SLC35F1: variants seen among roughly 807,000 people sequenced by gnomAD.
SLC35F1 encodes solute carrier family 35 member F1.
SLC35F1 carries 14 observed loss-of-function variants against 48.7 expected under a neutral mutation model. The ratio of observed to expected loss-of-function variants is 0.29; its 90% CI spans 0.19 to 0.45. The LOEUF (loss-of-function observed/expected upper bound fraction) is 0.45. SLC35F1 is among the 20% of genes least tolerant of loss of function. The pLI, the probability that SLC35F1 is intolerant of heterozygous loss-of-function variation, is 1.00. For synonymous variants in SLC35F1, 190 were observed against 202.2 expected, an observed-to-expected ratio of 0.94 and a Z score of 0.51; for missense variants, 404 against 500.0, an observed-to-expected ratio of 0.81 and a Z score of 1.83.
intron 3 of SLC35F1, among the ~76,000 whole-genome samples, chr6:118,241,817 T>G (rs1775444956): frequency 6.6e-6 from 1 of 152,312 alleles, no homozygotes; most frequent in African/African-American, 2.4e-5. Flanking sequence ...AAAATTGAAT[T>G]TTACAGTATT....
At chr6:118,129,051 AG>A (rs576703351) in intron 1 of SLC35F1, among the ~76,000 whole-genome samples, 69 of 152,278 alleles carry the variant, frequency 4.5e-4, no homozygotes, top group African/African-American at 1.4e-3. Flanking sequence ...CCTATGTGAG[AG>A]GCAAGGTGCT....
chr6:118,235,701 T>A, intron 3 of SLC35F1, 65 bp downstream of exon 3: 1 of 1,541,686 alleles, frequency 6.5e-7, no homozygotes, highest in Non-Finnish European at 8.8e-7. Context: ...TTCAGTTTAG[T>A]CCTTGAAAAT....
chr6:118,263,048 TTGTTTTGTTC>T (rs1182278574), intron 3 of SLC35F1, among the ~76,000 whole-genome samples: 3 of 152,158 alleles, frequency 2.0e-5, no homozygotes, highest in Non-Finnish European at 4.4e-5. Flanking sequence ...ATCTTTTTGT[TTGTTTTGTTC>T]TGTTTTGTTT....
intron 1 of SLC35F1, among the ~76,000 whole-genome samples, chr6:118,126,271 G>T (rs977328394): frequency 1.3e-5 from 2 of 152,146 alleles, no homozygotes; most frequent in African/African-American, 4.8e-5. Context: ...GAAATAACCT[G>T]CCATAGATCA....
intron 2 of SLC35F1, among the ~76,000 whole-genome samples, chr6:118,215,598 C>CA (rs1775061516): frequency 6.6e-6 from 1 of 152,110 alleles, no homozygotes; most frequent in African/African-American, 2.4e-5. Context: ...ATATGATGGA[C>CA]AGAGAGGTGA....
At chr6:118,090,783 A>G (rs764365018) in intron 1 of SLC35F1, among the ~76,000 whole-genome samples, 41 of 152,208 alleles carry the variant, frequency 2.7e-4, no homozygotes, top group Non-Finnish European at 5.3e-4. Flanking sequence ...AATAAGATCT[A>G]TCAAATTAAT....
At chr6:117,966,385 A>G (rs928321652) in intron 1 of SLC35F1, among the ~76,000 whole-genome samples, 49 of 150,850 alleles carry the variant, frequency 3.2e-4, no homozygotes, top group African/African-American at 1.2e-3. Flanking sequence ...GAGCTGTAAC[A>G]CTCGCCGCGA....
At chr6:118,176,692 G>A (rs993084818) in intron 2 of SLC35F1, among the ~76,000 whole-genome samples, 8 of 152,032 alleles carry the variant, frequency 5.3e-5, no homozygotes, top group South Asian at 4.1e-4. Flanking sequence ...CAAAGCTAAC[G>A]TAGCTAAGCC....
chr6:118,219,819 C>T (rs1350142967), intron 2 of SLC35F1, among the ~76,000 whole-genome samples: 3 of 152,114 alleles, frequency 2.0e-5, no homozygotes, highest in Non-Finnish European at 4.4e-5. Flanking sequence ...ACATATATAC[C>T]ATGGAATACT....
At chr6:118,226,485 TACAC>T (rs1233953929) in intron 2 of SLC35F1, among the ~76,000 whole-genome samples, 3 of 150,744 alleles carry the variant, frequency 2.0e-5, no homozygotes, top group African/African-American at 7.3e-5. Context: ...GATGAATGGA[TACAC>T]ACACACACAC....
intron 1 of SLC35F1, among the ~76,000 whole-genome samples, chr6:117,964,147 C>A (rs1776531172): frequency 6.6e-6 from 1 of 152,210 alleles, no homozygotes; most frequent in African/African-American, 2.4e-5. Context: ...CTGCAAAGGA[C>A]ATGATCTTAT....
At chr6:118,032,365 G>A (rs1465777741) in intron 1 of SLC35F1, among the ~76,000 whole-genome samples, 1 of 152,108 alleles carries the variant, frequency 6.6e-6, no homozygotes, top group African/African-American at 2.4e-5. Flanking sequence ...TTTAGTTAGT[G>A]TATTCATTTA....
At chr6:118,295,733 G>A (rs1776175499) in intron 7 of SLC35F1, among the ~76,000 whole-genome samples, 1 of 152,190 alleles carries the variant, frequency 6.6e-6, no homozygotes, top group Admixed American at 6.5e-5. Flanking sequence ...GGCTATGGAT[G>A]TTAAGCTTAT....
chr6:117,931,100 GT>G (rs1238576437), intron 1 of SLC35F1, among the ~76,000 whole-genome samples: 2 of 152,114 alleles, frequency 1.3e-5, no homozygotes, highest in Non-Finnish European at 2.9e-5. Flanking sequence ...GACATTACGT[GT>G]TATAATTATT....
chr6:117,916,212 A>C (rs1182641008), intron 1 of SLC35F1, among the ~76,000 whole-genome samples: 1 of 152,090 alleles, frequency 6.6e-6, no homozygotes, highest in African/African-American at 2.4e-5. Context: ...TTGAGAGAGC[A>C]CTTTTATATT....
At chr6:118,154,420 G>A (rs1197694167) in intron 1 of SLC35F1, 25 bp from the exon 2 acceptor site, 1 of 1,587,320 alleles carries the variant, frequency 6.3e-7, no homozygotes, top group Non-Finnish European at 8.6e-7. Flanking sequence ...GACCTTTGCT[G>A]TGTTTTTTTT....
chr6:118,134,979 CAG>C (rs1028159200), intron 1 of SLC35F1, among the ~76,000 whole-genome samples: 1 of 152,140 alleles, frequency 6.6e-6, no homozygotes, highest in East Asian at 1.9e-4. Flanking sequence ...AGCTTCTTAA[CAG>C]GGGTTATACA....
intron 2 of SLC35F1, among the ~76,000 whole-genome samples, chr6:118,157,023 C>G (rs1042183495): frequency 1.3e-5 from 2 of 152,148 alleles, no homozygotes; most frequent in African/African-American, 4.8e-5. Context: ...ATCTATTGAG[C>G]CTTTATAATG....
At chr6:118,148,627 CAAAG>C (rs1260099228) in intron 1 of SLC35F1, among the ~76,000 whole-genome samples, 1 of 152,100 alleles carries the variant, frequency 6.6e-6, no homozygotes, top group African/African-American at 2.4e-5. Flanking sequence ...AATGCATAAA[CAAAG>C]AAGATGAAAA....
Sources: allele counts gnomAD v4.1 joint callset (sites outside exome capture counted in the v4.1 genomes callset), GRCh38; gene constraint gnomAD v4.1.1; transcripts MANE v1.5; gene names NCBI Gene and HGNC (gene_info 2026-07-23, HGNC 2026-07-21).